The following GALNT9 variants were observed in gnomAD, a reference collection of about 807,000 sequenced individuals.
GALNT9 encodes polypeptide N-acetylgalactosaminyltransferase 9.
GALNT9 carries 47 observed loss-of-function variants against 63.1 expected under a neutral mutation model. The ratio of observed to expected loss-of-function variants is 0.75; its 90% CI spans 0.59 to 0.95. The LOEUF (loss-of-function observed/expected upper bound fraction) is 0.95. Among genes scored for constraint, GALNT9 ranks in the 40% least tolerant of loss-of-function variants. The probability of loss-of-function intolerance (pLI) is 0.00; values close to 1 mark genes in which losing one functional copy is unlikely to be tolerated. For missense variants in GALNT9, 829 were observed against 874.8 expected (o/e 0.95, Z 0.66); for synonymous variants, 396 against 365.7 (o/e 1.08, Z -0.94).
intron 2 of GALNT9, among the ~76,000 whole-genome samples, chr12:132,285,243 G>A (rs1383271761): frequency 1.3e-5 from 2 of 152,244 alleles, no homozygotes; most frequent in African/African-American, 4.8e-5. Flanking sequence ...GGCCCCACTG[G>A]GCAGCCCTGA....
At chr12:132,203,357 CACA>C in intron 7 of GALNT9, 145 bp downstream of exon 7, 3 of 669,578 alleles carry the variant, frequency 4.5e-6, no homozygotes, top group Non-Finnish European at 7.5e-6. Flanking sequence ...CACCTGCACA[CACA>C]ACTGCTTGCA....
intron 6 of GALNT9, among the ~76,000 whole-genome samples, chr12:132,229,740 CG>C: frequency 6.6e-6 from 1 of 152,368 alleles, no homozygotes; most frequent in East Asian, 1.9e-4. Context: ...TCATGGTCAC[CG>C]GCATCTGTGA....
At chr12:132,200,649 CGT>C (rs1325967584) in intron 8 of GALNT9, 2 of 155,718 alleles carry the variant, frequency 1.3e-5, no homozygotes, top group African/African-American at 4.8e-5. Flanking sequence ...AATGTATACT[CGT>C]GTCCGCGTGC....
intron 6 of GALNT9, among the ~76,000 whole-genome samples, chr12:132,216,296 G>A (rs1877190511): frequency 6.6e-6 from 1 of 152,220 alleles, no homozygotes; most frequent in Non-Finnish European, 1.5e-5. Flanking sequence ...GGAAGACAGA[G>A]AGACAGAGAG....
intron 6 of GALNT9, among the ~76,000 whole-genome samples, chr12:132,207,469 C>T (rs908493534): frequency 4.6e-5 from 7 of 152,210 alleles, no homozygotes; most frequent in African/African-American, 7.2e-5. Flanking sequence ...GGGCGGTCTG[C>T]GAGGCCTCCC....
At chr12:132,317,974 C>A (rs1305675700) in intron 1 of GALNT9, among the ~76,000 whole-genome samples, 1 of 152,248 alleles carries the variant, frequency 6.6e-6, no homozygotes, top group African/African-American at 2.4e-5. Context: ...GGCACACTGG[C>A]TCATGCCTGC....
chr12:132,215,194 G>A (rs900039490), intron 6 of GALNT9, among the ~76,000 whole-genome samples: 14 of 152,244 alleles, frequency 9.2e-5, no homozygotes, highest in East Asian at 1.9e-4. Flanking sequence ...AGGTTTCATC[G>A]GGGCCCTGCC....
At position 132,236,268 on chromosome 12, in the gene GALNT9, C is replaced by T. The variant is rs774611998; in HGVS notation, c.1077+11642G>A. ...AATGACAGCCCCGACAGGCGGCTGG[C>T]GGGGAGCGGGTGGGGGCCATGGCCC... On this transcript the variant is annotated intron_variant, in intron 6 of 10. Coordinates refer to ENST00000328957, the MANE Select transcript of GALNT9 (RefSeq NM_001122636.2). This position sits in a 1 kb window ranked among gnomAD's most constrained non-coding sequence, Gnocchi z 5.6. 3.3e-5 allele frequency among the ~76,000 whole-genome samples: 5 copies of T among 151,776 alleles called. No individual in the cohort carries two copies. The highest frequency in any genetic ancestry group is 3.2e-3 in the Middle Eastern group (1 of 314).
chr12:132,197,172 C>G lies in GALNT9; in HGVS notation c.1747G>C (p.Val583Leu), dbSNP rs1189586155. Residue 583 changes from valine to leucine, a missense_variant, in exon 11 of 11, where the codon GTG becomes CTG. Coordinates refer to ENST00000328957, the MANE Select transcript of GALNT9 (RefSeq NM_001122636.2). ...SKDANFGLRL[V>L]VQRCSGQKWM... is the part of the protein sequence containing the mutation. ...TTCTGCCCCGAGCACCTCTGTACCA[C>G]CAGCCGGAGCCCAAAGTTGGCATCT... The G allele has an allele frequency of 1.9e-6, 3 of 1,614,164 alleles. No individual in the cohort carries two copies. The Admixed American group carries it at 5.0e-5, about 27-fold the overall frequency.
intron 6 of GALNT9, among the ~76,000 whole-genome samples, chr12:132,240,930 C>A (rs1480333768): frequency 1.5e-4 from 21 of 135,540 alleles, no homozygotes; most frequent in African/African-American, 4.2e-4. Context: ...ATCCCCATTA[C>A]ACACACGCCA....
chr12:132,203,001 A>G (rs945547079), intron 7 of GALNT9, among the ~76,000 whole-genome samples: 7 of 152,172 alleles, frequency 4.6e-5, no homozygotes, highest in African/African-American at 1.7e-4. Flanking sequence ...GCCCTTTCAC[A>G]CTGTGGACGT....
chr12:132,300,616 C>T (rs1199324841), intron 1 of GALNT9, among the ~76,000 whole-genome samples: 1 of 144,450 alleles, frequency 6.9e-6, no homozygotes, highest in African/African-American at 2.7e-5. Context: ...ATAACCCACT[C>T]CCATGATAAC....
intron 6 of GALNT9, among the ~76,000 whole-genome samples, chr12:132,219,938 C>G (rs58626118): frequency 8.3e-6 from 1 of 120,316 alleles, no homozygotes; most frequent in Non-Finnish European, 1.9e-5. Context: ...AGGGTGACAC[C>G]CGCCTGGGTA....
In GALNT9 at chr12:132,252,017, C is replaced by T. The variant is rs1196598552; in HGVS notation, c.960-3990G>A. On this transcript the variant is annotated intron_variant, in intron 5 of 10. Transcript: ENST00000328957. This position sits in a 1 kb window ranked among gnomAD's most constrained non-coding sequence, Gnocchi z 5.2. ...CACCTTGCTCACGTGATGGGGGTGC[C>T]GGATCTTAACTGGGATCCCAGGAAT... Among the ~76,000 whole-genome samples the T allele has an allele frequency of 6.6e-6, 1 of 152,192 alleles. No homozygotes were observed. Among genetic ancestry groups the T allele is most frequent in the Admixed American group, 6.5e-5 (1 of 15,280 alleles).
At chr12:132,303,395 GCCCGGGCACACCCTCA>G (rs1198180571) in intron 1 of GALNT9, among the ~76,000 whole-genome samples, 26 of 93,272 alleles carry the variant, frequency 2.8e-4, no homozygotes, top group African/African-American at 1.1e-3. Flanking sequence ...GCACAGCCTC[GCCCGGGCACACCCTCA>G]CCCGGGCACA....
intron 6 of GALNT9, 122 bp from the exon 7 acceptor site, chr12:132,203,812 G>A (rs1041084260): frequency 3.5e-5 from 36 of 1,040,584 alleles, no homozygotes; most frequent in Admixed American, 3.3e-4. Context: ...CCCCACCACC[G>A]ACGGGCCTGG....
At position 132,279,190 on chromosome 12, in the gene GALNT9, C is replaced by T. The variant is rs896613249; in HGVS notation, c.419+7060G>A. On this transcript the variant is annotated intron_variant, in intron 2 of 10. Coordinates refer to ENST00000328957, the MANE Select transcript of GALNT9 (RefSeq NM_001122636.2). This position sits in a 1 kb window ranked among gnomAD's most constrained non-coding sequence, Gnocchi z 4.1. ...CAGCTCCCTACAACGCGGATTTATTCTTATTTCCCACAGGGAAGGCCTAAC... is the reference window on the plus strand; with the variant it reads ...CAGCTCCCTACAACGCGGATTTATTTTTATTTCCCACAGGGAAGGCCTAAC... 1.3e-5 allele frequency: 2 copies of T among 152,282 alleles called. No individual in the cohort carries two copies. The highest frequency in any genetic ancestry group is 2.9e-5 in the Non-Finnish European group (2 of 68,064). 9.4% of individuals were successfully genotyped at this position (152,282 alleles called of 1,614,324 possible). A position where few individuals can be genotyped will look rare whatever the true frequency, so the allele number is the denominator to read the frequency against.
chr12:132,274,136 G>A (rs2135552768), intron 2 of GALNT9: 1 of 152,836 alleles, frequency 6.5e-6, no homozygotes, highest in Non-Finnish European at 1.5e-5. Context: ...GCCTGGCAAG[G>A]TCACGGTGAC....
intron 6 of GALNT9, among the ~76,000 whole-genome samples, chr12:132,228,383 TC>T (rs1877777560): frequency 7.0e-6 from 1 of 142,168 alleles, no homozygotes; most frequent in African/African-American, 2.5e-5. Context: ...GGGTGATACC[TC>T]TTTGCCTCTG....
Sources: gnomAD v4.1 joint callset for allele counts (sites outside exome capture counted in the v4.1 genomes callset) on GRCh38, gnomAD v4.1.1 for gene constraint, Gnocchi (gnomAD v3.1) non-coding constraint, MANE v1.5 for transcripts, NCBI Gene and HGNC (gene_info 2026-07-23, HGNC 2026-07-21) for gene names.